Variants in CHERP observed in about 807,000 individuals in gnomAD.
The protein encoded by CHERP is calcium homeostasis endoplasmic reticulum protein, also known as ERPROT 213-21.
CHERP carries 8 observed loss-of-function variants against 113.8 expected under a neutral mutation model. That is an observed-to-expected ratio of 0.07 (90% CI 0.04 to 0.13). CHERP has a LOEUF of 0.13. Ranked by LOEUF, CHERP falls within the 10% of genes least tolerant of loss-of-function variation. CHERP has a pLI of 1.00. For synonymous variants in CHERP, 559 were observed against 524.5 expected, an observed-to-expected ratio of 1.07 and a Z score of -0.90; for missense variants, 884 against 1,298.2, an observed-to-expected ratio of 0.68 and a Z score of 4.90.
Position 16,533,001 on chromosome 19 carries a change from G to A in CHERP, c.522+10C>T. The stretch of plus-strand genomic sequence containing the variant: ...GGAAAGCTGGGCTCTGGGAAGTGCT[G>A]GCCCCTCACCGAGATGGCGTCCTTG... On this transcript the variant is annotated intron_variant, in intron 4 of 16. Coordinates refer to ENST00000546361, the MANE Select transcript of CHERP (RefSeq NM_006387.6). 6.4e-7 allele frequency: 1 copy of A among 1,562,402 alleles called. No individual in the cohort carries two copies. The highest frequency in any genetic ancestry group is 8.7e-7 in the Non-Finnish European group (1 of 1,152,630).
In CHERP at chr19:16,530,918, G is replaced by A; in HGVS notation, c.675-38C>T. The A allele has an allele frequency of 6.2e-7, 1 of 1,601,500 alleles. No individual in the cohort carries two copies. The highest frequency in any genetic ancestry group is 8.5e-7 in the Non-Finnish European group (1 of 1,174,886). ...GACTTTCCGCGCGTCAGGGCCCTGG[G>A]GCGGGACCCGGCCACGCGCCCGTTA... On this transcript the variant is annotated intron_variant, in intron 5 of 16. Transcript: ENST00000546361. The surrounding 1 kb of genome is among the most constrained non-coding windows in gnomAD (Gnocchi z 4.1).
At chr19:16,533,773 A>G (rs1365444524) in intron 3 of CHERP, among the ~76,000 whole-genome samples, 1 of 151,018 alleles carries the variant, frequency 6.6e-6, no homozygotes, top group African/African-American at 2.5e-5. Context: ...AACAACAACA[A>G]AACAACAACA....
rs746209334 is a variant in CHERP at position 16,520,391 on chromosome 19, G to T, written c.2318C>A (p.Ser773Tyr). Residue 773 changes from serine to tyrosine, a missense_variant, in exon 14 of 17, where the codon TCC becomes TAC. By Grantham distance (144) the Ser-to-Tyr change is moderately radical. Coordinates refer to ENST00000546361, the MANE Select transcript of CHERP (RefSeq NM_006387.6). The surrounding 1 kb of genome is among the most constrained non-coding windows in gnomAD (Gnocchi z 4.0). ...SYSRSRSRSCSRSYSRSRSRS... is the reference protein window; with the variant it reads ...SYSRSRSRSCYRSYSRSRSRS... The stretch of plus-strand genomic sequence containing the variant: ...AGATCTGGAGCGGGAGTAGGAACGG[G>T]AGCAGGAGCGCGACCTTGACCTTGA... 6.2e-7 allele frequency: 1 copy of T among 1,613,954 alleles called. No individual in the cohort carries two copies.
Position 16,542,031 on chromosome 19 carries a change from C to T in CHERP, c.38G>A (p.Arg13Gln). 1 of 1,613,192 alleles carries T rather than the reference C, an allele frequency of 6.2e-7. No individual in the cohort carries two copies. The highest frequency in any genetic ancestry group is 8.5e-7 in the Non-Finnish European group (1 of 1,179,756). ...CTGGGCGAGCTTGTCGATGACATTT[C>T]GAAGCTCCTGGTCTGGAGGACGGAG... ...MPLPPDDQEL[R>Q]NVIDKLAQFV... is the part of the protein sequence containing the mutation. Residue 13 changes from arginine (R) to glutamine (Q), a missense_variant, in exon 2 of 17, where the codon CGA (arginine) becomes CAA (glutamine). Transcript: ENST00000546361.
intron 2 of CHERP, chr19:16,539,710 C>G (rs1489905117): frequency 6.6e-6 from 1 of 152,180 alleles, no homozygotes; most frequent in Non-Finnish European, 1.5e-5. Context: ...TACTATGTCA[C>G]CCAGGCTGGA....
At position 16,535,389 on chromosome 19, in the gene CHERP, G is replaced by C; in HGVS notation, c.384+63C>G. On this transcript the variant is annotated intron_variant, in intron 3 of 16. Transcript: ENST00000546361. The surrounding 1 kb of genome is among the most constrained non-coding windows in gnomAD (Gnocchi z 4.3). ...CACCTGTTATTCATTCTGATGAGCA[G>C]ACGCAAAAACAGAGGCACAGGGGAG... 5.9e-6 allele frequency: 9 copies of C among 1,537,074 alleles called. No homozygotes were observed. The highest frequency in any genetic ancestry group is 7.9e-6 in the Non-Finnish European group (9 of 1,134,896).
At chr19:16,522,204 A>T (rs962917175) in intron 11 of CHERP, among the ~76,000 whole-genome samples, 1 of 151,922 alleles carries the variant, frequency 6.6e-6, no homozygotes, top group Non-Finnish European at 1.5e-5. Context: ...GGGGGTGGGA[A>T]GTGGCAGTGG....
In CHERP at chr19:16,525,455, G is replaced by A. The variant is rs1350146472; in HGVS notation, c.1528C>T (p.Arg510Cys). The A allele has an allele frequency of 1.3e-6, 2 of 1,545,292 alleles. No individual in the cohort carries two copies. The highest frequency in any genetic ancestry group is 1.7e-6 in the Non-Finnish European group (2 of 1,145,268). Reference protein sequence around the residue: ...HEQPPWGGGQREPPFRMQRPP... With the variant: ...HEQPPWGGGQCEPPFRMQRPP... Reference sequence around the variant, plus strand: ...CGCTGCATGCGGAAGGGTGGCTCGCGCTGGCCCCCGCCCCAGGGCGGCTGC... The same window carrying A: ...CGCTGCATGCGGAAGGGTGGCTCGCACTGGCCCCCGCCCCAGGGCGGCTGC... Residue 510 changes from arginine to cysteine, a missense_variant, in exon 10 of 17, where the codon CGC (arginine) becomes TGC (cysteine). Physicochemically the swap from Arg to Cys is radical, Grantham distance 180 (BLOSUM62 -3). This residue lies in a region of CHERP where 464 missense variants were observed against 590.1 expected (regional missense o/e 0.79). Transcript: ENST00000546361. This position sits in a 1 kb window ranked among gnomAD's most constrained non-coding sequence, Gnocchi z 6.5.
At chr19:16,541,694 C>T (rs1210323907) in intron 2 of CHERP, 176 bp downstream of exon 2, 2 of 638,376 alleles carry the variant, frequency 3.1e-6, no homozygotes, top group Admixed American at 5.8e-5. Flanking sequence ...TACAGTGGCA[C>T]CCAGCAGCCG....
intron 8 of CHERP, 56 bp downstream of exon 8, chr19:16,529,592 G>A: frequency 6.6e-7 from 1 of 1,517,468 alleles, no homozygotes; most frequent in Non-Finnish European, 8.8e-7. Context: ...TACACTCGGT[G>A]CCCAGCCTCT....
Position 16,519,594 on chromosome 19 carries a change from C to A in CHERP, c.2557+27G>T. 2 of 1,584,220 alleles carry A rather than the reference C, an allele frequency of 1.3e-6. No homozygotes were observed. The highest frequency in any genetic ancestry group is 1.1e-5 in the South Asian group (1 of 90,442). On this transcript the variant is annotated intron_variant, in intron 16 of 16. Transcript: ENST00000546361. The surrounding 1 kb of genome is among the most constrained non-coding windows in gnomAD (Gnocchi z 6.0). ...GCCCAGCACGCGTGAGGACCCATCCCGCGCCCTCCCCATTCCCTCGCCTTA... is the reference window on the plus strand; with the variant it reads ...GCCCAGCACGCGTGAGGACCCATCCAGCGCCCTCCCCATTCCCTCGCCTTA...
rs939459569 is a variant in CHERP at position 16,532,093 on chromosome 19, A to T, written c.674+505T>A. The T allele has an allele frequency of 1.3e-5, 2 of 153,150 alleles. No individual in the cohort carries two copies. Among genetic ancestry groups the T allele is most frequent in the African/African-American group, 4.9e-5 (2 of 41,194 alleles). The allele number at this position is 153,150 out of a possible 1,614,324, so 9.5% of individuals were successfully genotyped here. A position where few individuals can be genotyped will look rare whatever the true frequency, so the allele number is the denominator to read the frequency against. The stretch of plus-strand genomic sequence containing the variant: ...AAGGGTGAGGGCTGGGTGGGGACAG[A>T]GGGTCGGCAGATGTGGCTCTGTTGA... On this transcript the variant is annotated intron_variant, in intron 5 of 16. Coordinates refer to ENST00000546361, the MANE Select transcript of CHERP (RefSeq NM_006387.6). This position sits in a 1 kb window ranked among gnomAD's most constrained non-coding sequence, Gnocchi z 4.4.
At chr19:16,522,550 C>G (rs757012042) in intron 11 of CHERP, among the ~76,000 whole-genome samples, 1 of 152,164 alleles carries the variant, frequency 6.6e-6, no homozygotes, top group Non-Finnish European at 1.5e-5. Flanking sequence ...TGAGCCACTA[C>G]GCCTGGCCAG....
intron 12 of CHERP, chr19:16,521,308 C>G (rs1174188024): frequency 3.4e-6 from 2 of 580,536 alleles, no homozygotes; most frequent in Non-Finnish European, 6.0e-6. Flanking sequence ...CACACCTTCC[C>G]TAACTTCTTC....
intron 5 of CHERP, among the ~76,000 whole-genome samples, chr19:16,531,480 T>A (rs1465709971): frequency 2.0e-5 from 3 of 152,052 alleles, no homozygotes; most frequent in African/African-American, 7.2e-5. Flanking sequence ...CCCCTGCCGC[T>A]GCGCAGGGAG....
Position 16,529,278 on chromosome 19 carries a change from A to G in CHERP, c.1129+370T>C, listed in dbSNP as rs563363125. Among the ~76,000 whole-genome samples the G allele has an allele frequency of 5.3e-5, 8 of 152,308 alleles. No homozygotes were observed. In the East Asian group the frequency reaches 1.5e-3, roughly 29 times the overall value. ...AGCGATCTGCCCATCTTGGCCTCCC[A>G]AAGTGCTGGGATTACAAGCGTAAGC... is the stretch of plus-strand genomic sequence containing the variant. On this transcript the variant is annotated intron_variant, in intron 8 of 16. Coordinates refer to ENST00000546361, the MANE Select transcript of CHERP (RefSeq NM_006387.6).
chr19:16,529,586 C>A (rs2085682624), intron 8 of CHERP, 62 bp downstream of exon 8: 2 of 1,511,030 alleles, frequency 1.3e-6, no homozygotes, highest in Non-Finnish European at 1.8e-6. Flanking sequence ...TCTGACTACA[C>A]TCGGTGCCCA....
At chr19:16,542,273 C>G (rs1476091912) in intron 1 of CHERP, 81 bp downstream of exon 1, 2 of 1,275,958 alleles carry the variant, frequency 1.6e-6, no homozygotes, top group Admixed American at 3.8e-5. Flanking sequence ...CCTCCCAGAC[C>G]CGGGGACTCC....
At chr19:16,534,807 A>G in intron 3 of CHERP, among the ~76,000 whole-genome samples, 1 of 152,188 alleles carries the variant, frequency 6.6e-6, no homozygotes, top group East Asian at 1.9e-4. Flanking sequence ...GAAAGTTATC[A>G]AACTGTTGGA....
Sources: gnomAD v4.1 joint callset for allele counts (sites outside exome capture counted in the v4.1 genomes callset) on GRCh38, gnomAD v4.1.1 for gene constraint, gnomAD v4.1.1 regional missense constraint, Gnocchi (gnomAD v3.1) non-coding constraint, MANE v1.5 for transcripts, NCBI Gene and HGNC (gene_info 2026-07-23, HGNC 2026-07-21) for gene names.